TENM2: variants seen among roughly 807,000 people sequenced by gnomAD.
TENM2 encodes the protein teneurin transmembrane protein 2.
A neutral mutation model predicts 245.2 loss-of-function variants in TENM2; 52 were observed. The ratio of observed to expected loss-of-function variants is 0.21; its 90% confidence interval spans 0.17 to 0.27. TENM2 has a LOEUF of 0.27. TENM2 is among the 10% of genes least tolerant of loss of function. The pLI, the probability that TENM2 is intolerant of heterozygous loss-of-function variation, is 1.00. For missense variants in TENM2, 3,046 were observed against 3,666.8 expected (o/e 0.83, Z 4.37); for synonymous variants, 1,363 against 1,438.9 (o/e 0.95, Z 1.19).
intron 2 of TENM2, among the ~76,000 whole-genome samples, chr5:167,874,303 T>C (rs1252759919): frequency 1.3e-5 from 2 of 152,164 alleles, no homozygotes; most frequent in Non-Finnish European, 2.9e-5. Flanking sequence ...TTTTGTATCC[T>C]CAATGTCTAG....
rs2151237897 is a variant in TENM2 at position 167,855,512 on chromosome 5, G to T, written c.503-20474G>T. On this transcript the variant is annotated intron_variant, in intron 2 of 28. Transcript: ENST00000518659. Reference sequence around the variant, plus strand: ...TTGTTTTTGCCGTTATTTATGTGTTGATTGCCCCTTCTCTACCCTCCAGAA... The same window carrying T: ...TTGTTTTTGCCGTTATTTATGTGTTTATTGCCCCTTCTCTACCCTCCAGAA... 2.0e-5 allele frequency among the ~76,000 whole-genome samples: 3 copies of T among 151,990 alleles called. No homozygotes were observed. In the South Asian group the frequency reaches 6.3e-4, roughly 32 times the overall value.
At chr5:168,211,674 A>G (rs765065901) in intron 19 of TENM2, 60 bp from the exon 22 acceptor site, 4 of 1,084,492 alleles carry the variant, frequency 3.7e-6, no homozygotes, top group South Asian at 3.0e-5. Flanking sequence ...TGTTTGCTTT[A>G]TCATCAATTC....
chr5:168,183,292 ACT>A (rs1045269453), intron 13 of TENM2, among the ~76,000 whole-genome samples: 1 of 151,260 alleles, frequency 6.6e-6, no homozygotes, highest in Admixed American at 6.6e-5. Flanking sequence ...TGGCCAAAGG[ACT>A]CTCTCTTTTG....
the TENM2 span, among the ~76,000 whole-genome samples, chr5:167,261,879 T>C: frequency 6.6e-6 from 1 of 152,152 alleles, no homozygotes; most frequent in Non-Finnish European, 1.5e-5. Flanking sequence ...GTACCCTGGG[T>C]TTGCTGTCTT....
At chr5:167,137,464 C>T in the TENM2 span, among the ~76,000 whole-genome samples, 1 of 152,104 alleles carries the variant, frequency 6.6e-6, no homozygotes, top group African/African-American at 2.4e-5. Context: ...CTCTCATGTG[C>T]CACACTTAGG....
At chr5:167,362,428 G>A (rs1449868264) in intron 1 of TENM2, among the ~76,000 whole-genome samples, 2 of 152,144 alleles carry the variant, frequency 1.3e-5, no homozygotes, top group African/African-American at 4.8e-5. Context: ...TACTTACTGA[G>A]GCAAAGTATC....
intron 1 of TENM2, among the ~76,000 whole-genome samples, chr5:167,317,926 C>T (rs1756469958): frequency 1.3e-5 from 2 of 152,116 alleles, no homozygotes; most frequent in African/African-American, 2.4e-5. Flanking sequence ...CATGCCCTAC[C>T]GCCATGTCTC....
intron 3 of TENM2, among the ~76,000 whole-genome samples, chr5:167,892,835 C>G (rs1774867306): frequency 6.6e-6 from 1 of 152,134 alleles, no homozygotes; most frequent in Non-Finnish European, 1.5e-5. Context: ...ATTTATAACA[C>G]AGAGATAATT....
chr5:168,017,130 C>T (rs1785724405), intron 5 of TENM2, among the ~76,000 whole-genome samples: 1 of 152,126 alleles, frequency 6.6e-6, no homozygotes, highest in African/African-American at 2.4e-5. Flanking sequence ...CTAGAGGGAC[C>T]ACTCATCATT....
intron 3 of TENM2, among the ~76,000 whole-genome samples, chr5:167,946,510 G>A (rs768727040): frequency 1.3e-5 from 2 of 152,154 alleles, no homozygotes; most frequent in South Asian, 2.1e-4. Flanking sequence ...TGAGGTGGGC[G>A]ATTCCCTCCA....
At chr5:167,075,945 G>C in the TENM2 span, among the ~76,000 whole-genome samples, 580 of 152,250 alleles carry the variant, frequency 3.8e-3, 3 homozygotes, top group African/African-American at 0.012. Flanking sequence ...CAGGCAATAA[G>C]GGGCTTTATA....
intron 2 of TENM2, among the ~76,000 whole-genome samples, chr5:167,680,676 A>G (rs1486958032): frequency 6.6e-6 from 1 of 152,166 alleles, no homozygotes; most frequent in African/African-American, 2.4e-5. Context: ...TTAGCAGAAG[A>G]GTGTGGAGAT....
intron 25 of TENM2, among the ~76,000 whole-genome samples, chr5:168,240,433 T>C (rs1385046268): frequency 2.0e-5 from 3 of 152,346 alleles, no homozygotes; most frequent in African/African-American, 7.2e-5. Context: ...ATCCTAGCTC[T>C]ACCACTGAGT....
chr5:167,241,033 C>T, the TENM2 span, among the ~76,000 whole-genome samples: 1 of 152,068 alleles, frequency 6.6e-6, no homozygotes, highest in Non-Finnish European at 1.5e-5. Context: ...AGATCACCAC[C>T]TTTCCCTTTA....
At chr5:168,152,653 A>G (rs999143420) in intron 12 of TENM2, among the ~76,000 whole-genome samples, 3 of 152,240 alleles carry the variant, frequency 2.0e-5, no homozygotes, top group South Asian at 2.1e-4. Context: ...TGCACAAGGT[A>G]CAACAACTTG....
chr5:167,622,052 T>C (rs1322549184), intron 2 of TENM2, among the ~76,000 whole-genome samples: 1 of 152,200 alleles, frequency 6.6e-6, no homozygotes, highest in Non-Finnish European at 1.5e-5. Flanking sequence ...TTACACTATT[T>C]TATATACTGG....
At chr5:167,552,849 A>G (rs1773042323) in intron 2 of TENM2, among the ~76,000 whole-genome samples, 1 of 152,212 alleles carries the variant, frequency 6.6e-6, no homozygotes, top group Admixed American at 6.5e-5. Context: ...TCTTCATTTG[A>G]CAAATACTTA....
the TENM2 span, among the ~76,000 whole-genome samples, chr5:167,221,056 G>A: frequency 6.6e-6 from 1 of 152,080 alleles, no homozygotes; most frequent in African/African-American, 2.4e-5. Flanking sequence ...TCAAACTCTT[G>A]ATCTCAGGTG....
At chr5:167,149,760 G>A in the TENM2 span, among the ~76,000 whole-genome samples, 3 of 151,990 alleles carry the variant, frequency 2.0e-5, no homozygotes, top group Admixed American at 6.6e-5. Flanking sequence ...TCCTTCCAAC[G>A]CTTCCCAGAC....
Sources: allele counts gnomAD v4.1 joint callset (sites outside exome capture counted in the v4.1 genomes callset), GRCh38; gene constraint gnomAD v4.1.1; transcripts MANE v1.5; gene names NCBI Gene and HGNC (gene_info 2026-07-23, HGNC 2026-07-21).